Variants in CEP43 observed in about 807,000 individuals in gnomAD.
The protein encoded by CEP43 is centrosomal protein 43, also known as FGFR1 oncogene partner.
In CEP43, 36 loss-of-function variants were observed where a neutral mutation model predicts 52.6. The ratio of observed to expected loss-of-function variants is 0.68; its 90% CI spans 0.52 to 0.90. CEP43 has a LOEUF of 0.90. Among genes scored for constraint, CEP43 ranks in the 40% least tolerant of loss-of-function variants. The pLI is 0.00. For missense variants in CEP43, 506 were observed against 472.8 expected (o/e 1.07, Z -0.65); for synonymous variants, 192 against 172.4 (o/e 1.11, Z -0.89).
At chr6:167,005,428 T>G (rs1458811751) in intron 5 of CEP43, among the ~76,000 whole-genome samples, 1 of 152,216 alleles carries the variant, frequency 6.6e-6, no homozygotes, top group East Asian at 1.9e-4. Context: ...ATGAATAGTT[T>G]AGAGGAGGAA....
In CEP43 at chr6:166,999,511, C is replaced by A; in HGVS notation, c.99C>A (p.Ile33=). ...TLENSGVLNR[I]KAELRAAVFL... ...AGAACAGCGGGGTCCTGAACCGCAT[C>A]AAGGTGAGGCCGGAGGCTGGGGCCG... The change falls in exon 1 of 13, where the codon ATC becomes ATA. Residue 33 remains isoleucine, a synonymous_variant. Coordinates refer to ENST00000366847, the MANE Select transcript of CEP43 (RefSeq NM_007045.4). 1 of 1,442,478 alleles carries A rather than the reference C, an allele frequency of 6.9e-7. No individual in the cohort carries two copies. Among genetic ancestry groups the A allele is most frequent in the Non-Finnish European group, 9.2e-7 (1 of 1,090,756 alleles). The allele number at this position is 1,442,478 out of a possible 1,614,324, so 89.4% of individuals were successfully genotyped here.
Position 167,042,052 on chromosome 6 carries a change from G to C in CEP43, c.*2074G>C, listed in dbSNP as rs1373178010. 1.1e-5 allele frequency: 8 copies of C among 754,230 alleles called. No individual in the cohort carries two copies. The highest frequency in any genetic ancestry group is 1.9e-5 in the African/African-American group (1 of 51,664). 46.7% of individuals were successfully genotyped at this position (754,230 alleles called of 1,614,324 possible). Reference sequence around the variant, plus strand: ...TTGGTCAGGCTGGTCTTGAACTCCTGACCTCGTTCCTGCCTTAGCCTCCTA... The same window carrying C: ...TTGGTCAGGCTGGTCTTGAACTCCTCACCTCGTTCCTGCCTTAGCCTCCTA... On this transcript the variant is annotated 3_prime_UTR_variant, in exon 13 of 13. Transcript: ENST00000366847.
chr6:167,034,885 TTA>T (rs34458103), intron 12 of CEP43, among the ~76,000 whole-genome samples: 63,752 of 151,996 alleles, frequency 0.42, 13,597 homozygotes, highest in Non-Finnish European at 0.47. Flanking sequence ...TCCTGATGTA[TTA>T]TATACCCTTA....
At chr6:167,010,769 T>C in intron 5 of CEP43, 44 bp from the exon 6 acceptor site, 2 of 1,029,510 alleles carry the variant, frequency 1.9e-6, no homozygotes, top group East Asian at 5.8e-5. Flanking sequence ...TATATTTGTG[T>C]TTTATTTTTA....
At chr6:167,032,249 G>A (rs1313679842) in intron 10 of CEP43, among the ~76,000 whole-genome samples, 2 of 152,254 alleles carry the variant, frequency 1.3e-5, no homozygotes, top group South Asian at 4.1e-4. Context: ...TGTTGAAAAC[G>A]CTCAGTAGTT....
At chr6:167,029,968 G>T (rs6456147) in intron 10 of CEP43, among the ~76,000 whole-genome samples, 7,465 of 152,316 alleles carry the variant, frequency 0.049, 641 homozygotes, top group African/African-American at 0.17. Context: ...TCTTAAGGGT[G>T]GGGGAGATTA....
chr6:167,022,387 T>G (rs377376334), intron 7 of CEP43, 22 bp from the exon 8 acceptor site: 96 of 1,560,362 alleles, frequency 6.2e-5, no homozygotes, highest in Admixed American at 3.8e-4. Context: ...AGGAGGCCTT[T>G]TCTCTTTCCC....
At chr6:166,999,547 A>G in intron 1 of CEP43, 33 bp downstream of exon 1, 1 of 1,351,496 alleles carries the variant, frequency 7.4e-7, no homozygotes, top group South Asian at 1.6e-5. Flanking sequence ...GGCCTGGCGG[A>G]TCCGCAGGGC....
At chr6:167,010,379 A>G (rs943758773) in intron 5 of CEP43, among the ~76,000 whole-genome samples, 4 of 152,238 alleles carry the variant, frequency 2.6e-5, no homozygotes, top group African/African-American at 9.6e-5. Flanking sequence ...TTGAAGGGGT[A>G]AAGTATTTTT....
chr6:167,038,315 C>A (rs1200841051), intron 12 of CEP43, among the ~76,000 whole-genome samples: 1 of 152,228 alleles, frequency 6.6e-6, no homozygotes, highest in Admixed American at 6.5e-5. Flanking sequence ...GTTTTCACTT[C>A]ATGATCTGGC....
rs529606831 is a variant in CEP43, at chr6:167,044,622, A to G, written c.*4644A>G. The G allele has an allele frequency of 1.4e-4, 117 of 863,404 alleles. No homozygotes were observed. The African/African-American group carries it at 2.0e-3, about 15-fold the overall frequency. 53.5% of individuals were successfully genotyped at this position (863,404 alleles called of 1,614,324 possible). A position where few individuals can be genotyped will look rare whatever the true frequency, so the allele number is the denominator to read the frequency against. ...GAATGTGAAATTTATTCCCTGATAC[A>G]TGTTTTTAAAAATGAATCTTGCTGC... On this transcript the variant is annotated 3_prime_UTR_variant, in exon 13 of 13. Coordinates refer to ENST00000366847, the MANE Select transcript of CEP43 (RefSeq NM_007045.4).
chr6:167,041,844 G>GGGGGGGC lies in CEP43; in HGVS notation c.*1866_*1867insGGGGGGC. The GGGGGGGC allele has an allele frequency of 1.4e-5, 2 of 144,932 alleles. No individual in the cohort carries two copies. The highest frequency in any genetic ancestry group is 1.2e-5 in the Non-Finnish European group (1 of 80,402). The allele number at this position is 144,932 out of a possible 1,614,324, so 9.0% of individuals were successfully genotyped here. ...TCTTTTTTTTGCGGGGGGCGGGGGG[G>GGGGGGGC]ACAGAGTCTCACTGTGTCACTCAGA... On this transcript the variant is annotated 3_prime_UTR_variant, in exon 13 of 13. Transcript: ENST00000366847.
rs886324800 is a variant in CEP43 at position 167,051,175 on chromosome 6, A to G, written c.*11197A>G. The G allele has an allele frequency of 6.6e-6, 1 of 152,214 alleles. No individual in the cohort carries two copies. Among genetic ancestry groups the G allele is most frequent in the African/African-American group, 2.4e-5 (1 of 41,458 alleles). The allele number at this position is 152,214 out of a possible 1,614,324, so 9.4% of individuals were successfully genotyped here. A position where few individuals can be genotyped will look rare whatever the true frequency, so the allele number is the denominator to read the frequency against. On this transcript the variant is annotated 3_prime_UTR_variant, in exon 13 of 13. Transcript: ENST00000366847. ...TGCAAAAGCCTGGAAAGTCATCTCAAATGTTAGGTTCTACAATAGTCAAGT... is the reference window on the plus strand; with the variant it reads ...TGCAAAAGCCTGGAAAGTCATCTCAGATGTTAGGTTCTACAATAGTCAAGT...
chr6:167,022,289 C>T (rs556659977), intron 7 of CEP43, 120 bp from the exon 8 acceptor site: 2 of 664,544 alleles, frequency 3.0e-6, no homozygotes, highest in African/African-American at 3.9e-5. Flanking sequence ...CACACACACA[C>T]ACACACAAAG....
intron 5 of CEP43, among the ~76,000 whole-genome samples, chr6:167,010,116 A>C (rs1313505250): frequency 6.6e-6 from 1 of 152,264 alleles, no homozygotes; most frequent in African/African-American, 2.4e-5. Context: ...TTTGTAACAA[A>C]CAGCCAGTAT....
rs1411481005 is a variant in CEP43 at position 167,001,433 on chromosome 6, C to T, written c.156+1320C>T. The stretch of plus-strand genomic sequence containing the variant: ...CCGCTGTGGTTTTTTTCCTTCACAA[C>T]CTGGTTTTGACCACTCCTTGGTTTC... On this transcript the variant is annotated intron_variant, in intron 2 of 12. Coordinates refer to ENST00000366847, the MANE Select transcript of CEP43 (RefSeq NM_007045.4). 3.3e-5 allele frequency among the ~76,000 whole-genome samples: 5 copies of T among 152,122 alleles called. 1 individual carries two copies. Among genetic ancestry groups the T allele is most frequent in the African/African-American group, 1.2e-4 (5 of 41,414 alleles).
rs529448302 is a variant in CEP43, at chr6:167,040,774, G to A, written c.*796G>A. 4.0e-6 allele frequency: 4 copies of A among 1,010,140 alleles called. 1 individual carries two copies. The highest frequency in any genetic ancestry group is 5.8e-5 in the Admixed American group (1 of 17,328). 62.6% of individuals were successfully genotyped at this position (1,010,140 alleles called of 1,614,324 possible). A position where few individuals can be genotyped will look rare whatever the true frequency, so the allele number is the denominator to read the frequency against. ...TAAATGCATCTGAAACCATTAAGCAGTGCTTTTATTTCAGATCTGTAAGTT... is the reference window on the plus strand; with the variant it reads ...TAAATGCATCTGAAACCATTAAGCAATGCTTTTATTTCAGATCTGTAAGTT... On this transcript the variant is annotated 3_prime_UTR_variant, in exon 13 of 13. Transcript: ENST00000366847.
At position 167,049,573 on chromosome 6, in the gene CEP43, C is replaced by G. The variant is rs1780843745; in HGVS notation, c.*9595C>G. The G allele has an allele frequency of 6.6e-6, 1 of 152,190 alleles. No homozygotes were observed. The highest frequency in any genetic ancestry group is 6.5e-5 in the Admixed American group (1 of 15,280). 9.4% of individuals were successfully genotyped at this position (152,190 alleles called of 1,614,324 possible). On this transcript the variant is annotated 3_prime_UTR_variant, in exon 13 of 13. Transcript: ENST00000366847. ...TTTATTTTTGTTTCCTAACAATACT[C>G]CATTGTAGGGATTGACCACACTTTA...
intron 2 of CEP43, among the ~76,000 whole-genome samples, chr6:167,002,735 T>G (rs1329018585): frequency 6.6e-6 from 1 of 152,228 alleles, no homozygotes; most frequent in South Asian, 2.1e-4. Flanking sequence ...AATAAATGTA[T>G]AATTACAAAA....
Sources: gnomAD v4.1 joint callset for allele counts (sites outside exome capture counted in the v4.1 genomes callset) on GRCh38, gnomAD v4.1.1 for gene constraint, MANE v1.5 for transcripts, NCBI Gene and HGNC (gene_info 2026-07-23, HGNC 2026-07-21) for gene names.